Variants in SYNE1 observed in about 807,000 individuals in gnomAD.
SYNE1 encodes nesprin-1.
In SYNE1, 616 loss-of-function variants were observed where a neutral mutation model predicts 1,111.0. The ratio of observed to expected loss-of-function variants is 0.55; its 90% CI spans 0.52 to 0.59. The LOEUF is 0.59. Among genes scored for constraint, SYNE1 ranks in the 20% least tolerant of loss-of-function variants. SYNE1 has a pLI of 0.00. For synonymous variants in SYNE1, 3,855 were observed against 3,825.8 expected (o/e 1.01, Z -0.28); for missense variants, 10,006 against 10,417.0 (o/e 0.96, Z 1.72).
At chr6:152,518,386 TAGTG>T (rs998403091) in intron 6 of SYNE1, among the ~76,000 whole-genome samples, 1 of 151,860 alleles carries the variant, frequency 6.6e-6, no homozygotes, top group Non-Finnish European at 1.5e-5. Context: ...CTCCACACAA[TAGTG>T]AGTGAGTTCT....
chr6:152,318,208 G>A lies in SYNE1; in HGVS notation c.16445C>T (p.Ala5482Val), dbSNP rs2095783583. 1 of 1,614,090 alleles carries A rather than the reference G, an allele frequency of 6.2e-7. No individual in the cohort carries two copies. The highest frequency in any genetic ancestry group is 1.1e-5 in the South Asian group (1 of 91,086). The change falls in exon 86 of 146, where the codon GCA (alanine) becomes GTA (valine). Residue 5482 changes from alanine (A) to valine (V), a missense_variant. By Grantham distance (64) the Ala-to-Val change is moderately conservative. Coordinates refer to ENST00000367255, the MANE Select transcript of SYNE1 (RefSeq NM_182961.4). Reference protein sequence around the residue: ...CNSKLMELDAAVQKFLEQNGQ... With the variant: ...CNSKLMELDAVVQKFLEQNGQ... ...ATTCTGTTCCAAGAATTTCTGTACT[G>A]CTGCATCTAATTCCATTAACTTTGA... is the stretch of plus-strand genomic sequence containing the variant.
At chr6:152,566,613 C>T (rs889719195) in intron 3 of SYNE1, among the ~76,000 whole-genome samples, 14 of 152,116 alleles carry the variant, frequency 9.2e-5, no homozygotes, top group South Asian at 6.2e-4. Flanking sequence ...TAGGATAAGG[C>T]TTAGTGGGAT....
intron 104 of SYNE1, among the ~76,000 whole-genome samples, chr6:152,249,802 T>C (rs2088566862): frequency 6.6e-6 from 1 of 152,094 alleles, no homozygotes; most frequent in Non-Finnish European, 1.5e-5. Flanking sequence ...GCCAAAAACA[T>C]GTGAAGAGAC....
Position 152,164,179 on chromosome 6 carries a change from T to C in SYNE1, c.23774A>G (p.Lys7925Arg), listed in dbSNP as rs1472634154. 6.2e-7 allele frequency: 1 copy of C among 1,614,226 alleles called. No individual in the cohort carries two copies. The highest frequency in any genetic ancestry group is 1.7e-5 in the Admixed American group (1 of 60,028). Residue 7925 changes from lysine (K) to arginine (R), a missense_variant, in exon 131 of 146, where the codon AAG becomes AGG. Physicochemically the swap from Lys to Arg is conservative, Grantham distance 26. Around this residue, in one of 7 missense-constraint regions of SYNE1, gnomAD observed 2,182 missense variants for 2,287.8 expected, o/e 0.95. Coordinates refer to ENST00000367255, the MANE Select transcript of SYNE1 (RefSeq NM_182961.4). The part of the protein sequence containing the change: ...DSCNSEEIQR[K>R]LNEQQELQRD... ...AAGTCTTACCTGCTGCTCATTAAGC[T>C]TTCTCTGTATTTCTTCCGAGTTACA... is the stretch of plus-strand genomic sequence containing the variant.
chr6:152,574,458 GAAC>G (rs1330644229), intron 3 of SYNE1, among the ~76,000 whole-genome samples: 2 of 151,888 alleles, frequency 1.3e-5, no homozygotes, highest in African/African-American at 2.4e-5. Flanking sequence ...TGCTGTAATT[GAAC>G]AACAAGGACT....
chr6:152,324,934 ATAACTTAATT>A, intron 81 of SYNE1, 140 bp downstream of exon 81: 1 of 925,342 alleles, frequency 1.1e-6, no homozygotes, highest in Non-Finnish European at 1.7e-6. Flanking sequence ...ACTTTGTTTC[ATAACTTAATT>A]TTTATGTCAC....
chr6:152,344,124 G>C lies in SYNE1; in HGVS notation c.12182C>G (p.Pro4061Arg). ...WLSAVQPDLE[P>R]SPQPPLSRAE... ...CCTACTAAGAGGTGGTTGAGGACTT[G>C]GCTCTAAATCCGGCTGGACTGCAGA... The change falls in exon 74 of 146, where the codon CCA (proline) becomes CGA (arginine). Residue 4061 changes from proline to arginine, a missense_variant. Coordinates refer to ENST00000367255, the MANE Select transcript of SYNE1 (RefSeq NM_182961.4). 1 of 1,614,226 alleles carries C rather than the reference G, an allele frequency of 6.2e-7. No homozygotes were observed. The highest frequency in any genetic ancestry group is 8.5e-7 in the Non-Finnish European group (1 of 1,180,034).
intron 37 of SYNE1, among the ~76,000 whole-genome samples, 182 bp from the exon 38 acceptor site, chr6:152,427,998 T>G (rs1315328144): frequency 6.6e-6 from 1 of 152,168 alleles, no homozygotes; most frequent in Non-Finnish European, 1.5e-5. Flanking sequence ...GCACTCACAT[T>G]TATATTGGAT....
In SYNE1 at chr6:152,211,423, A is replaced by C. The variant is rs1353602514; in HGVS notation, c.22589+71T>G. 8 of 1,323,102 alleles carry C rather than the reference A, an allele frequency of 6.0e-6. No homozygotes were observed. The African/African-American group carries it at 1.2e-4, about 19-fold the overall frequency. The allele number at this position is 1,323,102 out of a possible 1,614,324, so 82.0% of individuals were successfully genotyped here. On this transcript the variant is annotated intron_variant, in intron 124 of 145. Coordinates refer to ENST00000367255, the MANE Select transcript of SYNE1 (RefSeq NM_182961.4). Reference sequence around the variant, plus strand: ...AGGAAGATTGGATATATGCCCTCCAATCTGCTCATTAAAAAGAAAATGACT... The same window carrying C: ...AGGAAGATTGGATATATGCCCTCCACTCTGCTCATTAAAAAGAAAATGACT...
chr6:152,177,042 AT>A (rs1381428174), intron 129 of SYNE1, among the ~76,000 whole-genome samples: 1 of 152,184 alleles, frequency 6.6e-6, no homozygotes, highest in Non-Finnish European at 1.5e-5. Flanking sequence ...CAATTATGTT[AT>A]TTGTGAGGAA....
At chr6:152,360,939 T>C (rs528658817) in intron 64 of SYNE1, among the ~76,000 whole-genome samples, 1 of 152,246 alleles carries the variant, frequency 6.6e-6, no homozygotes, top group Admixed American at 6.5e-5. Context: ...AAATTAAGCA[T>C]CTCTATTCAC....
At chr6:152,193,509 G>T (rs1268299686) in intron 127 of SYNE1, among the ~76,000 whole-genome samples, 1 of 151,996 alleles carries the variant, frequency 6.6e-6, no homozygotes, top group Non-Finnish European at 1.5e-5. Flanking sequence ...TTAGAGACAG[G>T]GTTTTGCCAT....
chr6:152,536,129 C>T (rs11964468), intron 4 of SYNE1, among the ~76,000 whole-genome samples: 4,029 of 151,414 alleles, frequency 0.027, 205 homozygotes, highest in African/African-American at 0.093. Context: ...CCTACACCCT[C>T]CACCTCTGCT....
Position 152,401,364 on chromosome 6 carries a change from T to C in SYNE1, c.6826-23A>G, listed in dbSNP as rs1591941045. On this transcript the variant is annotated intron_variant, in intron 46 of 145. Transcript: ENST00000367255. ...AAACTAAATATCAAGCAAGATTTCA[T>C]CAATATCTCTGAAGACCAGAAGAAT... The C allele has an allele frequency of 1.9e-6, 3 of 1,606,236 alleles. No individual in the cohort carries two copies. In the East Asian group the frequency reaches 6.7e-5, roughly 36 times the overall value.
chr6:152,280,282 T>C (rs2093953733), intron 97 of SYNE1, among the ~76,000 whole-genome samples: 2 of 152,232 alleles, frequency 1.3e-5, no homozygotes, highest in Admixed American at 1.3e-4. Context: ...TAATATTAGA[T>C]TTTTAAAAAC....
chr6:152,247,766 C>T (rs1228088453), intron 105 of SYNE1, among the ~76,000 whole-genome samples: 2 of 145,066 alleles, frequency 1.4e-5, no homozygotes, highest in African/African-American at 5.0e-5. Context: ...CACACACACA[C>T]ACACACACAC....
intron 128 of SYNE1, among the ~76,000 whole-genome samples, chr6:152,188,450 T>TAATAAATG (rs1483145893): frequency 1.3e-5 from 2 of 152,170 alleles, no homozygotes; most frequent in Non-Finnish European, 2.9e-5. Flanking sequence ...AGAAGGTATT[T>TAATAAATG]AATAAATGAA....
chr6:152,487,481 C>T (rs2098947060), intron 12 of SYNE1, among the ~76,000 whole-genome samples: 1 of 152,096 alleles, frequency 6.6e-6, no homozygotes. Flanking sequence ...TGTGTCTTTG[C>T]TATTGAAATC....
chr6:152,325,256 A>T lies in SYNE1; in HGVS notation c.15485T>A (p.Leu5162His). ...CTCCAGTTGTGAAGCTTTTTCCTCA[A>T]GGGCCACAATTTTCTCATGGAAAGA... The part of the protein sequence containing the change: ...VNSFHEKIVA[L>H]EEKASQLEKT... The change falls in exon 81 of 146, where the codon CTT (leucine) becomes CAT (histidine). Residue 5162 changes from leucine (L) to histidine (H), a missense_variant. Physicochemically the swap from Leu to His is moderately conservative, Grantham distance 99. Transcript: ENST00000367255. 6.2e-7 allele frequency: 1 copy of T among 1,614,148 alleles called. No individual in the cohort carries two copies. Among genetic ancestry groups the T allele is most frequent in the Admixed American group, 1.7e-5 (1 of 60,008 alleles).
Sources: allele counts gnomAD v4.1 joint callset (sites outside exome capture counted in the v4.1 genomes callset), GRCh38; gene constraint gnomAD v4.1.1; regional missense constraint gnomAD v4.1.1; transcripts MANE v1.5; gene names NCBI Gene and HGNC (gene_info 2026-07-23, HGNC 2026-07-21).